The following CRPPA variants were observed in gnomAD, a reference collection of about 807,000 sequenced individuals.
The protein encoded by CRPPA is D-ribitol-5-phosphate cytidylyltransferase.
A neutral mutation model predicts 52.0 loss-of-function variants in CRPPA; 43 were observed. The ratio of observed to expected loss-of-function variants is 0.83; its 90% CI spans 0.65 to 1.07. The LOEUF (loss-of-function observed/expected upper bound fraction) is 1.07. Among genes scored for constraint, CRPPA ranks in the 50% least tolerant of loss-of-function variants. The pLI is 0.00. For synonymous variants in CRPPA, 250 were observed against 203.5 expected (o/e 1.23, Z -1.94); for missense variants, 629 against 551.7 (o/e 1.14, Z -1.40).
chr7:16,389,085 G>A (rs887042684), intron 2 of CRPPA, among the ~76,000 whole-genome samples: 2 of 152,076 alleles, frequency 1.3e-5, no homozygotes, highest in African/African-American at 4.8e-5. Context: ...AGTCTGAATA[G>A]ACCTATAAAA....
chr7:16,305,584 G>T (rs977506069), intron 4 of CRPPA, among the ~76,000 whole-genome samples: 1 of 150,034 alleles, frequency 6.7e-6, no homozygotes, highest in Admixed American at 6.6e-5. Context: ...AAATTTGGCT[G>T]GGCGTGGTGG....
chr7:16,326,781 G>A (rs1055660163), intron 3 of CRPPA, among the ~76,000 whole-genome samples: 1 of 152,112 alleles, frequency 6.6e-6, no homozygotes, highest in Non-Finnish European at 1.5e-5. Flanking sequence ...GAGACCAAAT[G>A]TTCTCTCTTC....
At chr7:16,113,300 G>GA (rs1782304391) in intron 9 of CRPPA, among the ~76,000 whole-genome samples, 1 of 151,942 alleles carries the variant, frequency 6.6e-6, no homozygotes, top group African/African-American at 2.4e-5. Context: ...CAATGAAATG[G>GA]AAAACAGAGT....
chr7:16,399,846 CAG>C (rs1787753375), intron 2 of CRPPA, among the ~76,000 whole-genome samples: 2 of 152,006 alleles, frequency 1.3e-5, no homozygotes, highest in Non-Finnish European at 2.9e-5. Flanking sequence ...TGGCACATGA[CAG>C]ACACCTGATT....
At chr7:16,121,560 A>C (rs978344469) in intron 9 of CRPPA, among the ~76,000 whole-genome samples, 3 of 152,140 alleles carry the variant, frequency 2.0e-5, no homozygotes, top group African/African-American at 7.2e-5. Context: ...CAAAAGGTAG[A>C]AGTAAGCGTT....
intron 3 of CRPPA, among the ~76,000 whole-genome samples, chr7:16,369,703 G>A (rs1017162794): frequency 6.6e-6 from 1 of 152,172 alleles, no homozygotes; most frequent in Admixed American, 6.5e-5. Context: ...CAGATAGCAG[G>A]CAGTATTAGC....
intron 2 of CRPPA, among the ~76,000 whole-genome samples, chr7:16,397,928 GGTGATTGACAC>G (rs1205468709): frequency 6.6e-6 from 1 of 152,176 alleles, no homozygotes; most frequent in East Asian, 1.9e-4. Flanking sequence ...ACAACTGGCA[GGTGATTGACAC>G]GTGATTGACA....
At chr7:16,409,644 C>A (rs1478439238) in intron 1 of CRPPA, among the ~76,000 whole-genome samples, 4 of 152,170 alleles carry the variant, frequency 2.6e-5, no homozygotes. Flanking sequence ...ATAAATTAAG[C>A]ACTATGTCTT....
At chr7:16,416,643 T>G (rs1788201433) in intron 1 of CRPPA, among the ~76,000 whole-genome samples, 4 of 151,612 alleles carry the variant, frequency 2.6e-5, no homozygotes. Context: ...AAGACCAGCC[T>G]GCCCAACATG....
chr7:16,301,444 T>C lies in CRPPA; in HGVS notation c.812A>G (p.Tyr271Cys). ...LWKVTYKRDLYAAESIIKERI... is the reference protein window; with the variant it reads ...LWKVTYKRDLCAAESIIKERI... ...ACCCTTAATAATCGATTCAGCCGCA[T>C]AGAGATCTCGTTTGTAGGTCACCTA... Residue 271 changes from tyrosine to cysteine, a missense_variant, in exon 5 of 10, where the codon TAT becomes TGT. Transcript: ENST00000407010. 5.0e-6 allele frequency: 8 copies of C among 1,612,848 alleles called. No homozygotes were observed. The highest frequency in any genetic ancestry group is 1.7e-4 in the Middle Eastern group (1 of 6,058).
intron 9 of CRPPA, among the ~76,000 whole-genome samples, chr7:16,195,581 G>GA (rs141819298): frequency 0.038 from 5,723 of 152,176 alleles, 334 homozygotes; most frequent in East Asian, 0.29. Context: ...TAGAGTCTAA[G>GA]AAAGTGCAGC....
chr7:16,363,598 T>A (rs10270915), intron 3 of CRPPA, among the ~76,000 whole-genome samples: 70 of 152,280 alleles, frequency 4.6e-4, no homozygotes, highest in African/African-American at 1.6e-3. Flanking sequence ...AAAGGTAGAT[T>A]AAATTTGATA....
intron 6 of CRPPA, among the ~76,000 whole-genome samples, chr7:16,272,809 T>A (rs1021299949): frequency 5.3e-5 from 8 of 152,156 alleles, no homozygotes; most frequent in African/African-American, 1.7e-4. Flanking sequence ...TCAACTAGCA[T>A]CTATATTCAC....
chr7:16,116,524 G>T (rs748636868), intron 9 of CRPPA, among the ~76,000 whole-genome samples: 9 of 152,012 alleles, frequency 5.9e-5, no homozygotes, highest in Non-Finnish European at 1.2e-4. Context: ...CATTAGCCAG[G>T]CCTGGTGGCA....
At chr7:16,252,463 A>G (rs1010528998) in intron 8 of CRPPA, among the ~76,000 whole-genome samples, 1 of 152,118 alleles carries the variant, frequency 6.6e-6, no homozygotes, top group African/African-American at 2.4e-5. Context: ...ATGGGCAAAA[A>G]CTGGAAGCAT....
At chr7:16,375,319 CA>C (rs1664639707) in intron 3 of CRPPA, among the ~76,000 whole-genome samples, 2 of 152,138 alleles carry the variant, frequency 1.3e-5, no homozygotes, top group Non-Finnish European at 2.9e-5. Context: ...TCAAACTTAT[CA>C]TCATTGGGAA....
intron 3 of CRPPA, among the ~76,000 whole-genome samples, chr7:16,324,856 G>A (rs1032903649): frequency 6.6e-6 from 1 of 152,168 alleles, no homozygotes; most frequent in Non-Finnish European, 1.5e-5. Context: ...ATGAGATAAT[G>A]TACTTGTAAT....
intron 3 of CRPPA, among the ~76,000 whole-genome samples, chr7:16,329,100 C>T (rs1785487526): frequency 6.6e-6 from 1 of 152,058 alleles, no homozygotes; most frequent in Non-Finnish European, 1.5e-5. Flanking sequence ...TAAGGTACAA[C>T]TTTAAAATGA....
intron 3 of CRPPA, among the ~76,000 whole-genome samples, chr7:16,370,828 C>T (rs1786728423): frequency 6.6e-6 from 1 of 152,122 alleles, no homozygotes. Flanking sequence ...TGAGGCTTCT[C>T]CCACAGGAAT....
Sources: allele counts gnomAD v4.1 joint callset (sites outside exome capture counted in the v4.1 genomes callset), GRCh38; gene constraint gnomAD v4.1.1; transcripts MANE v1.5; gene names NCBI Gene and HGNC (gene_info 2026-07-23, HGNC 2026-07-21).